The following MACROD2 variants were observed in gnomAD, a reference collection of about 807,000 sequenced individuals.
MACROD2 encodes the protein ADP-ribose glycohydrolase MACROD2.
Under a neutral mutation model 70.4 loss-of-function variants are expected in MACROD2, and 36 were observed. The observed-to-expected ratio is 0.51, with a 90% CI of 0.39 to 0.68. MACROD2 has a LOEUF of 0.68. Ranked by LOEUF, MACROD2 falls within the 30% of genes least tolerant of loss-of-function variation. The pLI is 0.00. For missense variants in MACROD2, 496 were observed against 538.4 expected (o/e 0.92, Z 0.78); for synonymous variants, 172 against 178.8 (o/e 0.96, Z 0.30).
intron 5 of MACROD2, among the ~76,000 whole-genome samples, chr20:14,695,167 C>CA (rs1464005253): frequency 6.6e-6 from 1 of 152,084 alleles, no homozygotes; most frequent in Non-Finnish European, 1.5e-5. Flanking sequence ...GCCAGAGAGC[C>CA]AAAATCAAGG....
chr20:14,440,560 A>G (rs1003638809), intron 3 of MACROD2, among the ~76,000 whole-genome samples: 67 of 152,310 alleles, frequency 4.4e-4, no homozygotes, highest in African/African-American at 1.4e-3. Flanking sequence ...AGATCTGTGT[A>G]CCTTTACATA....
intron 5 of MACROD2, among the ~76,000 whole-genome samples, chr20:15,113,232 C>T (rs774310398): frequency 2.0e-5 from 3 of 152,140 alleles, no homozygotes; most frequent in East Asian, 1.9e-4. Flanking sequence ...TTTTACATTT[C>T]TGTGCTTTTT....
chr20:15,058,289 T>G (rs961578454), intron 5 of MACROD2, among the ~76,000 whole-genome samples: 5 of 152,152 alleles, frequency 3.3e-5, no homozygotes, highest in African/African-American at 1.2e-4. Context: ...CTTCATAGAC[T>G]GTCCCCCAAC....
intron 13 of MACROD2, among the ~76,000 whole-genome samples, chr20:15,968,716 G>T (rs1165804149): frequency 6.8e-6 from 1 of 146,926 alleles, no homozygotes; most frequent in African/African-American, 2.5e-5. Flanking sequence ...AAATAATTTA[G>T]ATCATTTCTA....
chr20:14,602,085 G>A (rs550701734), intron 4 of MACROD2, among the ~76,000 whole-genome samples: 85 of 152,178 alleles, frequency 5.6e-4, no homozygotes, highest in African/African-American at 9.6e-4. Flanking sequence ...CCTGTCTCAC[G>A]ACCAGGAAAA....
At chr20:15,623,229 C>A (rs2049153002) in intron 8 of MACROD2, among the ~76,000 whole-genome samples, 1 of 152,170 alleles carries the variant, frequency 6.6e-6, no homozygotes, top group Admixed American at 6.5e-5. Context: ...AGAGTTCAAT[C>A]TAATGTAAAC....
At chr20:14,821,412 C>T (rs950946855) in intron 5 of MACROD2, among the ~76,000 whole-genome samples, 2 of 151,838 alleles carry the variant, frequency 1.3e-5, no homozygotes, top group East Asian at 1.9e-4. Flanking sequence ...ACCTGGAGAG[C>T]TTACCAAAAA....
chr20:15,341,133 G>A (rs926068329), intron 6 of MACROD2, among the ~76,000 whole-genome samples: 2 of 152,058 alleles, frequency 1.3e-5, no homozygotes, highest in East Asian at 1.9e-4. Flanking sequence ...CACAAAGCAC[G>A]TCCTGCAAAA....
At chr20:14,035,604 C>T (rs573750479) in intron 2 of MACROD2, among the ~76,000 whole-genome samples, 1 of 152,106 alleles carries the variant, frequency 6.6e-6, no homozygotes, top group East Asian at 1.9e-4. Flanking sequence ...TTTTCAAGTG[C>T]TTACGGATAT....
chr20:14,760,399 G>C (rs1481037728), intron 5 of MACROD2, among the ~76,000 whole-genome samples: 5 of 152,020 alleles, frequency 3.3e-5, no homozygotes, highest in Non-Finnish European at 2.9e-5. Flanking sequence ...ATAAAGTTCT[G>C]AGCCTGGGGC....
chr20:14,522,900 G>A (rs2123181756), intron 4 of MACROD2, among the ~76,000 whole-genome samples: 1 of 152,264 alleles, frequency 6.6e-6, no homozygotes, highest in East Asian at 1.9e-4. Context: ...ACCTCCTAGA[G>A]CAGTGTTTAG....
At chr20:15,196,973 A>G in intron 5 of MACROD2, 1 of 985,420 alleles carries the variant, frequency 1.0e-6, no homozygotes, top group Non-Finnish European at 1.2e-6. Context: ...CAGGTATCCA[A>G]AGAGCACATT....
At chr20:15,142,797 T>C (rs535696684) in intron 5 of MACROD2, among the ~76,000 whole-genome samples, 37 of 152,180 alleles carry the variant, frequency 2.4e-4, no homozygotes, top group Admixed American at 2.2e-3. Context: ...TTGCTGAGAA[T>C]GATGGTTTCC....
intron 8 of MACROD2, among the ~76,000 whole-genome samples, chr20:15,856,032 G>C (rs1052289164): frequency 2.6e-5 from 4 of 152,080 alleles, no homozygotes; most frequent in African/African-American, 9.7e-5. Context: ...GTTCTACTAG[G>C]TATCTATGTA....
chr20:15,616,923 C>T (rs2049047314), intron 8 of MACROD2, among the ~76,000 whole-genome samples: 1 of 152,190 alleles, frequency 6.6e-6, no homozygotes, highest in Non-Finnish European at 1.5e-5. Context: ...TTCTCCCTGA[C>T]TGCTAATGCT....
At chr20:14,324,209 A>G (rs916867605) in intron 3 of MACROD2, 1 of 152,598 alleles carries the variant, frequency 6.6e-6, no homozygotes, top group African/African-American at 2.4e-5. Context: ...GTGGAGTTTT[A>G]AAAGCTGAAT....
chr20:14,669,977 G>C (rs1224173965), intron 4 of MACROD2, among the ~76,000 whole-genome samples: 1 of 151,948 alleles, frequency 6.6e-6, no homozygotes, highest in Admixed American at 6.6e-5. Flanking sequence ...CCTGCGCCTT[G>C]AGAAGGGTCT....
intron 5 of MACROD2, among the ~76,000 whole-genome samples, chr20:14,731,669 C>CT (rs1411815508): frequency 2.6e-5 from 4 of 152,076 alleles, no homozygotes; most frequent in Non-Finnish European, 5.9e-5. Context: ...CCCCCGGGCC[C>CT]TTTCGTCCAG....
At chr20:15,437,736 G>A (rs188274726) in intron 7 of MACROD2, among the ~76,000 whole-genome samples, 2 of 152,208 alleles carry the variant, frequency 1.3e-5, no homozygotes, top group South Asian at 2.1e-4. Context: ...TCACTTATAA[G>A]TGAGAACATA....
Sources: allele counts gnomAD v4.1 joint callset (sites outside exome capture counted in the v4.1 genomes callset), GRCh38; gene constraint gnomAD v4.1.1; transcripts MANE v1.5; gene names NCBI Gene and HGNC (gene_info 2026-07-23, HGNC 2026-07-21).